The following AKNA variants were observed in gnomAD, a reference collection of about 807,000 sequenced individuals.
The protein encoded by AKNA is microtubule organization protein AKNA.
Under a neutral mutation model 138.8 loss-of-function variants are expected in AKNA, and 67 were observed. That is an observed-to-expected ratio of 0.48 (90% confidence interval 0.40 to 0.59). The LOEUF (loss-of-function observed/expected upper bound fraction) is 0.59. Ranked by LOEUF, AKNA falls within the 20% of genes least tolerant of loss-of-function variation. AKNA has a pLI of 0.00. For synonymous variants in AKNA, 737 were observed against 754.4 expected, an observed-to-expected ratio of 0.98 and a Z score of 0.38; for missense variants, 1,813 against 1,880.4, an observed-to-expected ratio of 0.96 and a Z score of 0.66.
chr9:114,337,598 C>A (rs755152745), intron 21 of AKNA, among the ~76,000 whole-genome samples: 1 of 152,028 alleles, frequency 6.6e-6, no homozygotes, highest in African/African-American at 2.4e-5. Flanking sequence ...TACATGCCAG[C>A]CAGCGTGCCA....
intron 19 of AKNA, among the ~76,000 whole-genome samples, chr9:114,342,859 GATGAATGAATGA>G (rs149365711): frequency 0.038 from 5,739 of 151,976 alleles, 377 homozygotes; most frequent in African/African-American, 0.13. Flanking sequence ...AGGGGTAAGT[GATGAATGAATGA>G]ATGAATGAAT....
rs1365581549 is a variant in AKNA at position 114,346,649 on chromosome 9, C to T, written c.3514+20G>A. 2 of 1,581,750 alleles carry T rather than the reference C, an allele frequency of 1.3e-6. No individual in the cohort carries two copies. The highest frequency in any genetic ancestry group is 1.7e-6 in the Non-Finnish European group (2 of 1,159,674). On this transcript the variant is annotated intron_variant, in intron 17 of 21. Transcript: ENST00000374088. ...CAGACTGTGGCCTCTGGAAATCAGC[C>T]TTTGCAGGTGGTCACTTACTCAGGG...
rs868642397 is a variant in AKNA, at chr9:114,339,551, T to C, written c.4067+1982A>G. Among the ~76,000 whole-genome samples the C allele has an allele frequency of 2.6e-5, 4 of 152,346 alleles. 1 individual carries two copies. The Middle Eastern group carries it at 0.01, about 389-fold the overall frequency. ...CCATCCTGAGTTGGAAACAGCAACCTGGTGAGTTCTGCCCACAGGCCTGAG... is the reference window on the plus strand; with the variant it reads ...CCATCCTGAGTTGGAAACAGCAACCCGGTGAGTTCTGCCCACAGGCCTGAG... On this transcript the variant is annotated intron_variant, in intron 21 of 21. Coordinates refer to ENST00000374088, the MANE Select transcript of AKNA (RefSeq NM_001317950.2).
chr9:114,353,510 C>T (rs368325156), intron 14 of AKNA, among the ~76,000 whole-genome samples: 128 of 152,274 alleles, frequency 8.4e-4, no homozygotes, highest in African/African-American at 2.7e-3. Context: ...GTGATCCACC[C>T]GCCTCAGCCT....
chr9:114,357,837 A>G lies in AKNA; in HGVS notation c.2739+84T>C, dbSNP rs1333346224. The G allele has an allele frequency of 3.8e-6, 6 of 1,563,716 alleles. No individual in the cohort carries two copies. The Admixed American group carries it at 1.3e-4, about 35-fold the overall frequency. On this transcript the variant is annotated intron_variant, in intron 12 of 21. Coordinates refer to ENST00000374088, the MANE Select transcript of AKNA (RefSeq NM_001317950.2). The stretch of plus-strand genomic sequence containing the variant: ...CAAGTATTCCAAGAAGGAATAGCAC[A>G]AGGAAAGACCCAGAAGCAGAAAGTT...
At position 114,343,242 on chromosome 9, in the gene AKNA, AT is replaced by A. The variant is rs1830475587; in HGVS notation, c.3757+465del. The stretch of plus-strand genomic sequence containing the variant: ...AAAGTCCTAGAGACCATCTCTTCCA[AT>A]CCTTTCATTATAGATGTGGTGACTG... On this transcript the variant is annotated intron_variant, in intron 19 of 21. Coordinates refer to ENST00000374088, the MANE Select transcript of AKNA (RefSeq NM_001317950.2). 2.0e-5 allele frequency among the ~76,000 whole-genome samples: 3 copies of A among 152,254 alleles called. No homozygotes were observed. The South Asian group carries it at 6.2e-4, about 32-fold the overall frequency.
At chr9:114,344,398 G>C (rs1830548642) in intron 18 of AKNA, 1 of 153,026 alleles carries the variant, frequency 6.5e-6, no homozygotes, top group African/African-American at 2.4e-5. Flanking sequence ...GATGTTATGA[G>C]AAAGCTGGGC....
intron 1 of AKNA, among the ~76,000 whole-genome samples, chr9:114,384,308 C>T (rs1833886562): frequency 6.6e-6 from 1 of 152,208 alleles, no homozygotes; most frequent in African/African-American, 2.4e-5. Flanking sequence ...CAGCGGCTCA[C>T]ACCTGCAATC....
chr9:114,352,423 C>T (rs1321367030), intron 14 of AKNA, among the ~76,000 whole-genome samples: 1 of 150,006 alleles, frequency 6.7e-6, no homozygotes, highest in African/African-American at 2.5e-5. Flanking sequence ...CATGGTGAAA[C>T]CCATTTCTAC....
intron 15 of AKNA, among the ~76,000 whole-genome samples, chr9:114,349,800 C>T (rs1303992266): frequency 6.6e-6 from 1 of 152,188 alleles, no homozygotes; most frequent in Non-Finnish European, 1.5e-5. Flanking sequence ...TCTGGCTGAC[C>T]GTTTAGCTCC....
At chr9:114,378,444 G>A (rs908960530) in intron 2 of AKNA, among the ~76,000 whole-genome samples, 1 of 152,066 alleles carries the variant, frequency 6.6e-6, no homozygotes, top group African/African-American at 2.4e-5. Flanking sequence ...CATTTGTCTC[G>A]CCCACTACAC....
Position 114,343,542 on chromosome 9 carries a change from AC to A in AKNA, c.3757+165del, listed in dbSNP as rs575834920. Among the ~76,000 whole-genome samples, 26 of 152,350 alleles carry A rather than the reference AC, an allele frequency of 1.7e-4. 1 individual carries two copies. The South Asian group carries it at 4.8e-3, about 28-fold the overall frequency. ...GCTTCAGGCAGCAGCACCTGAAGCA[AC>A]AGATGTGACGGCAGGACACCCAGAA... is the stretch of plus-strand genomic sequence containing the variant. On this transcript the variant is annotated intron_variant, in intron 19 of 21. Transcript: ENST00000374088.
intron 21 of AKNA, among the ~76,000 whole-genome samples, chr9:114,338,683 G>T (rs1830147459): frequency 6.6e-6 from 1 of 152,220 alleles, no homozygotes; most frequent in Admixed American, 6.5e-5. Flanking sequence ...CTACTCATGG[G>T]ACTCTGGACA....
At position 114,368,432 on chromosome 9, in the gene AKNA, G is replaced by A. The variant is rs750465189; in HGVS notation, c.1573+7C>T. The A allele has an allele frequency of 1.1e-5, 15 of 1,315,642 alleles. No homozygotes were observed. The highest frequency in any genetic ancestry group is 1.5e-5 in the Non-Finnish European group (15 of 1,023,770). 81.5% of individuals were successfully genotyped at this position (1,315,642 alleles called of 1,614,324 possible). On this transcript the variant is annotated splice_region_variant and intron_variant, in intron 5 of 21. Coordinates refer to ENST00000374088, the MANE Select transcript of AKNA (RefSeq NM_001317950.2). ...GCCTCCAGCTGCAGCTCTTCTCCCG[G>A]ACTCACCTGAGGCCGCAGAGGCCTG...
intron 5 of AKNA, 131 bp downstream of exon 5, chr9:114,368,308 G>A (rs1832518401): frequency 9.4e-7 from 1 of 1,060,056 alleles, no homozygotes; most frequent in Non-Finnish European, 1.2e-6. Flanking sequence ...AAAGTGCCCA[G>A]GGTGGGGCCT....
intron 21 of AKNA, among the ~76,000 whole-genome samples, chr9:114,337,711 C>G (rs1309323012): frequency 6.6e-6 from 1 of 152,058 alleles, no homozygotes; most frequent in African/African-American, 2.4e-5. Context: ...TAGCAAAACC[C>G]CCTCATGGAA....
At chr9:114,347,696 C>A (rs984820678) in intron 16 of AKNA, 28 bp downstream of exon 16, 3 of 1,500,584 alleles carry the variant, frequency 2.0e-6, no homozygotes, top group Admixed American at 2.4e-5. Flanking sequence ...GCCACCAGGA[C>A]AGAGGTGGGA....
chr9:114,351,351 C>T (rs1326595035), intron 14 of AKNA, among the ~76,000 whole-genome samples: 2 of 152,214 alleles, frequency 1.3e-5, no homozygotes, highest in Non-Finnish European at 2.9e-5. Flanking sequence ...GACTTGATCA[C>T]CTTCTCACCA....
intron 1 of AKNA, among the ~76,000 whole-genome samples, chr9:114,387,324 G>A (rs563829209): frequency 1.3e-5 from 2 of 152,346 alleles, no homozygotes; most frequent in East Asian, 1.9e-4. Flanking sequence ...AGAGGCCGAG[G>A]AGAAAGAGAA....
Sources: gnomAD v4.1 joint callset for allele counts (sites outside exome capture counted in the v4.1 genomes callset) on GRCh38, gnomAD v4.1.1 for gene constraint, MANE v1.5 for transcripts, NCBI Gene and HGNC (gene_info 2026-07-23, HGNC 2026-07-21) for gene names.